CUL2: variants seen among roughly 807,000 people sequenced by gnomAD.
CUL2 encodes the protein cullin 2, also known as cullin-2.
In CUL2, 22 loss-of-function variants were observed where a neutral mutation model predicts 110.2. The observed-to-expected ratio is 0.20, with a 90% confidence interval of 0.14 to 0.28. CUL2 has a LOEUF of 0.28. Ranked by LOEUF, CUL2 falls within the 10% of genes least tolerant of loss-of-function variation. CUL2 has a pLI of 1.00. For synonymous variants in CUL2, 279 were observed against 293.2 expected, an observed-to-expected ratio of 0.95 and a Z score of 0.49; for missense variants, 631 against 905.5, an observed-to-expected ratio of 0.70 and a Z score of 3.89.
At chr10:35,043,473 T>C (rs1453792390) in intron 8 of CUL2, among the ~76,000 whole-genome samples, 1 of 152,220 alleles carries the variant, frequency 6.6e-6, no homozygotes, top group Admixed American at 6.5e-5. Flanking sequence ...CTGGGCTTTG[T>C]GGATGACACA....
At chr10:35,118,006 T>C (rs1288616096) in intron 1 of CUL2, among the ~76,000 whole-genome samples, 1 of 152,206 alleles carries the variant, frequency 6.6e-6, no homozygotes, top group Non-Finnish European at 1.5e-5. Context: ...CACCAGCATG[T>C]TCTACTTGTT....
chr10:35,011,911 T>C lies in CUL2; in HGVS notation c.2043A>G (p.Gln681=). The C allele has an allele frequency of 1.2e-6, 2 of 1,613,902 alleles. No homozygotes were observed. Among genetic ancestry groups the C allele is most frequent in the Non-Finnish European group, 1.7e-6 (2 of 1,179,846 alleles). Residue 681 remains glutamine (Q), a synonymous_variant, in exon 20 of 21, where the codon CAA becomes CAG. Coordinates refer to ENST00000374749, the MANE Select transcript of CUL2 (RefSeq NM_003591.4). ...CTTTCATGATACGAACTATAGCAGC[T>C]TGGAGATACATTTTCCGGTCCTCAT... ...AVDEDRKMYL[Q]AAIVRIMKAR...
intron 1 of CUL2, among the ~76,000 whole-genome samples, chr10:35,089,101 G>A (rs2087134670): frequency 1.3e-5 from 2 of 152,178 alleles, no homozygotes; most frequent in Non-Finnish European, 2.9e-5. Flanking sequence ...CTTGAACCCG[G>A]GAGGCGGAGG....
chr10:35,048,892 C>T (rs373341522), intron 6 of CUL2, among the ~76,000 whole-genome samples: 10 of 152,258 alleles, frequency 6.6e-5, no homozygotes, highest in African/African-American at 1.7e-4. Flanking sequence ...CTAAATACCA[C>T]GGCTTTGACA....
At chr10:35,115,260 G>A (rs1445798358) in intron 1 of CUL2, among the ~76,000 whole-genome samples, 1 of 150,684 alleles carries the variant, frequency 6.6e-6, no homozygotes, top group Admixed American at 6.6e-5. Flanking sequence ...AAAATAAAAT[G>A]GAGCACAAAG....
chr10:35,038,802 G>T, intron 9 of CUL2, 118 bp downstream of exon 9: 1 of 592,796 alleles, frequency 1.7e-6, no homozygotes, highest in African/African-American at 1.9e-5. Flanking sequence ...TCTGTAAAAG[G>T]TTATTTAAAA....
intron 16 of CUL2, among the ~76,000 whole-genome samples, chr10:35,025,660 A>G (rs1012612586): frequency 5.9e-5 from 9 of 152,198 alleles, no homozygotes; most frequent in African/African-American, 2.2e-4. Flanking sequence ...ATATCTCTGG[A>G]TTATTCTTTT....
Position 35,100,770 on chromosome 10 carries a change from A to C in CUL2, c.167+74T>G, listed in dbSNP as rs1415859988. 4 of 151,280 alleles carry C rather than the reference A, an allele frequency of 2.6e-5. No homozygotes were observed. The East Asian group carries it at 7.7e-4, about 29-fold the overall frequency. The allele number at this position is 151,280 out of a possible 1,614,324, so 9.4% of individuals were successfully genotyped here. A position where few individuals can be genotyped will look rare whatever the true frequency, so the allele number is the denominator to read the frequency against. On this transcript the variant is annotated intron_variant, in intron 2 of 5. Coordinates refer to the CUL2 transcript ENST00000685421. ...GAGTCCATCTCAAAAAAAAAAAAAAAAAAAAAAAAAGACCCTACAGTAAAA... is the reference window on the plus strand; with the variant it reads ...GAGTCCATCTCAAAAAAAAAAAAAACAAAAAAAAAAGACCCTACAGTAAAA...
At chr10:35,082,044 C>T (rs1348281584) in intron 1 of CUL2, among the ~76,000 whole-genome samples, 2 of 152,028 alleles carry the variant, frequency 1.3e-5, no homozygotes, top group African/African-American at 2.4e-5. Context: ...AGTTTGTAAT[C>T]CCAGCATTTT....
chr10:35,021,826 TGAGGC>T (rs1167291479), intron 17 of CUL2, among the ~76,000 whole-genome samples: 10 of 90,960 alleles, frequency 1.1e-4, no homozygotes, highest in African/African-American at 4.3e-4. Flanking sequence ...TGGGGTGAGG[TGAGGC>T]GAGGTGAGGT....
chr10:35,063,130 T>C (rs2086425478), intron 2 of CUL2, 68 bp from the exon 3 acceptor site: 2 of 923,380 alleles, frequency 2.2e-6, no homozygotes, highest in Non-Finnish European at 3.4e-6. Context: ...ATTTACCTTG[T>C]TTGGCATTAA....
At chr10:35,057,563 G>A (rs1467493386) in intron 4 of CUL2, among the ~76,000 whole-genome samples, 1 of 150,584 alleles carries the variant, frequency 6.6e-6, no homozygotes, top group Non-Finnish European at 1.5e-5. Flanking sequence ...TGAGGCAGGA[G>A]AATCACTTGA....
chr10:35,031,319 G>A lies in CUL2; in HGVS notation c.1367C>T (p.Ala456Val). The A allele has an allele frequency of 6.3e-7, 1 of 1,595,918 alleles. No homozygotes were observed. The highest frequency in any genetic ancestry group is 8.5e-7 in the Non-Finnish European group (1 of 1,172,024). ...CATTACCTTTAATTTGTTGATCATG[G>A]CTTCTTCAGAGTCCATAGACATGGA... ...GLSMSMDSEE[A>V]MINKLKQACG... Residue 456 changes from alanine (A) to valine (V), a missense_variant, in exon 14 of 21, where the codon GCC becomes GTC. Around this residue, in one of 3 missense-constraint regions of CUL2, gnomAD observed 134 missense variants for 260.4 expected, o/e 0.51. Transcript: ENST00000374749. The surrounding 1 kb of genome is among the most constrained non-coding windows in gnomAD (Gnocchi z 4.4).
intron 18 of CUL2, among the ~76,000 whole-genome samples, chr10:35,014,409 T>C (rs939837614): frequency 1.3e-4 from 20 of 152,344 alleles, no homozygotes; most frequent in African/African-American, 4.8e-4. Flanking sequence ...AACTTCTGTA[T>C]CAGGCTTAAG....
At chr10:35,068,177 T>G (rs540307789) in intron 2 of CUL2, among the ~76,000 whole-genome samples, 2 of 150,530 alleles carry the variant, frequency 1.3e-5, no homozygotes, top group South Asian at 4.2e-4. Context: ...TCTCAGCACT[T>G]CAGGAGTGCC....
chr10:35,089,541 A>T (rs1384044277), intron 1 of CUL2, among the ~76,000 whole-genome samples: 3 of 152,218 alleles, frequency 2.0e-5, no homozygotes, highest in Admixed American at 6.5e-5. Flanking sequence ...TGTTAATATT[A>T]ATCCATGGGG....
intron 15 of CUL2, 115 bp from the exon 16 acceptor site, chr10:35,029,002 G>A (rs1409607778): frequency 1.9e-5 from 12 of 618,806 alleles, no homozygotes; most frequent in Non-Finnish European, 3.0e-5. Context: ...TCAAAATGTT[G>A]ATGAAATCTG....
chr10:35,019,314 C>G (rs1193953019), intron 17 of CUL2, among the ~76,000 whole-genome samples: 1 of 151,998 alleles, frequency 6.6e-6, no homozygotes, highest in Non-Finnish European at 1.5e-5. Context: ...GGAGATCATG[C>G]GAGGGGCCAA....
intron 2 of CUL2, among the ~76,000 whole-genome samples, chr10:35,069,562 A>T (rs1368435858): frequency 1.3e-5 from 2 of 152,104 alleles, no homozygotes; most frequent in African/African-American, 4.8e-5. Flanking sequence ...AATTAAAAAA[A>T]AAAAAAGGAT....
Sources: gnomAD v4.1 joint callset for allele counts (sites outside exome capture counted in the v4.1 genomes callset) on GRCh38, gnomAD v4.1.1 for gene constraint, gnomAD v4.1.1 regional missense constraint, Gnocchi (gnomAD v3.1) non-coding constraint, MANE v1.5 for transcripts, NCBI Gene and HGNC (gene_info 2026-07-23, HGNC 2026-07-21) for gene names.